Variants in CFAP46 observed in about 807,000 individuals in gnomAD.
The protein encoded by CFAP46 is cilia- and flagella-associated protein 46.
A neutral mutation model predicts 325.7 loss-of-function variants in CFAP46; 245 were observed. The observed-to-expected ratio is 0.75, with a 90% confidence interval of 0.68 to 0.84. CFAP46 has a LOEUF of 0.84. CFAP46 is among the 40% of genes least tolerant of loss of function. The pLI, the probability that CFAP46 is intolerant of heterozygous loss-of-function variation, is 0.00. For missense variants in CFAP46, 3,346 were observed against 3,543.0 expected (o/e 0.94, Z 1.41); for synonymous variants, 1,523 against 1,495.9 (o/e 1.02, Z -0.42).
chr10:132,833,442 C>G lies in CFAP46; in HGVS notation c.7033G>C (p.Val2345Leu), dbSNP rs1848183964. The G allele has an allele frequency of 6.2e-7, 1 of 1,614,082 alleles. No homozygotes were observed. The highest frequency in any genetic ancestry group is 1.3e-5 in the African/African-American group (1 of 74,932). The change falls in exon 50 of 58, where the codon GTG becomes CTG. Residue 2345 changes from valine to leucine, a missense_variant. Physicochemically the swap from Val to Leu is conservative, Grantham distance 32. Transcript: ENST00000368586. ...GAGGAAATTGTCCCTTCATCGAACA[C>G]AGAGAGACCTTCCAGTGGCAGCTCC... ...LLELPLEGLS[V>L]FDEGTISSVS...
intron 19 of CFAP46, among the ~76,000 whole-genome samples, chr10:132,911,648 T>C (rs4880285): frequency 0.49 from 74,847 of 152,124 alleles, 19,499 homozygotes; most frequent in African/African-American, 0.66. Flanking sequence ...CTGCAGCATC[T>C]GTCAACGAGA....
rs1056241918 is a variant in CFAP46 at position 132,827,073 on chromosome 10, C to T, written c.7117+6285G>A. Among the ~76,000 whole-genome samples, 29 of 152,142 alleles carry T rather than the reference C, an allele frequency of 1.9e-4. No homozygotes were observed. Among genetic ancestry groups the T allele is most frequent in the South Asian group, 4.1e-4 (2 of 4,820 alleles). ...TCCATGAGCCTCGTGTCTGTGCCAACCGACTCCAGCTCCGGGCTCCCTGCC... is the reference window on the plus strand; with the variant it reads ...TCCATGAGCCTCGTGTCTGTGCCAATCGACTCCAGCTCCGGGCTCCCTGCC... On this transcript the variant is annotated intron_variant, in intron 50 of 57. Transcript: ENST00000368586. This position sits in a 1 kb window ranked among gnomAD's most constrained non-coding sequence, Gnocchi z 5.7.
intron 50 of CFAP46, among the ~76,000 whole-genome samples, chr10:132,826,062 A>G (rs1848041615): frequency 1.5e-5 from 2 of 133,650 alleles, no homozygotes; most frequent in Admixed American, 1.5e-4. Context: ...GTAGCCACAG[A>G]GACCAGCCAC....
At chr10:132,914,785 C>T (rs1405096337) in intron 17 of CFAP46, among the ~76,000 whole-genome samples, 5 of 142,084 alleles carry the variant, frequency 3.5e-5, no homozygotes, top group East Asian at 2.2e-4. Flanking sequence ...CACTGCACCC[C>T]GGCCCGAGGC....
At chr10:132,818,500 G>A (rs1847736279) in intron 50 of CFAP46, among the ~76,000 whole-genome samples, 2 of 152,086 alleles carry the variant, frequency 1.3e-5, no homozygotes, top group Admixed American at 1.3e-4. Context: ...AGGCAAGGAA[G>A]CCCACTCTTG....
At position 132,922,635 on chromosome 10, in the gene CFAP46, G is replaced by C; in HGVS notation, c.1330C>G (p.Pro444Ala). 6.5e-7 allele frequency: 1 copy of C among 1,549,794 alleles called. No homozygotes were observed. The highest frequency in any genetic ancestry group is 1.2e-5 in the South Asian group (1 of 84,052). The change falls in exon 12 of 58, where the codon CCC becomes GCC. Residue 444 changes from proline to alanine, a missense_variant. By Grantham distance (27) the Pro-to-Ala change is conservative (BLOSUM62 -1). Coordinates refer to ENST00000368586, the MANE Select transcript of CFAP46 (RefSeq NM_001200049.3). ...GCTTTCCGGAGGTGCTCCGTGGCGG[G>C]CTCCAGCCGGTCCTCGTCCTCCTCG... ...QIEEDEDRLE[P>A]ATEHLRKAAR...
rs558228916 is a variant in CFAP46, at chr10:132,941,144, C to G, written c.307-84G>C. ...ATCTGCGGATGCCACGGCTCCCTCA[C>G]GGTTGGCCTGGTACCCCCTGTGTGT... is the stretch of plus-strand genomic sequence containing the variant. On this transcript the variant is annotated intron_variant, in intron 3 of 57. Coordinates refer to ENST00000368586, the MANE Select transcript of CFAP46 (RefSeq NM_001200049.3). The G allele has an allele frequency of 3.5e-6, 5 of 1,414,110 alleles. No homozygotes were observed. The East Asian group carries it at 9.1e-5, about 26-fold the overall frequency. The allele number at this position is 1,414,110 out of a possible 1,614,324, so 87.6% of individuals were successfully genotyped here.
In CFAP46 at chr10:132,886,027, C is replaced by T. The variant is rs975593178; in HGVS notation, c.3305-68G>A. On this transcript the variant is annotated intron_variant, in intron 25 of 57. Coordinates refer to ENST00000368586, the MANE Select transcript of CFAP46 (RefSeq NM_001200049.3). This position sits in a 1 kb window ranked among gnomAD's most constrained non-coding sequence, Gnocchi z 5.8. ...CTCATCAAAGGCGCCCTCGGACCTC[C>T]CAGACTAAGCTGCCCATCACAGTGC... 11 of 1,523,268 alleles carry T rather than the reference C, an allele frequency of 7.2e-6. No individual in the cohort carries two copies. Among genetic ancestry groups the T allele is most frequent in the Non-Finnish European group, 8.9e-6 (10 of 1,129,294 alleles). The allele number at this position is 1,523,268 out of a possible 1,614,324, so 94.4% of individuals were successfully genotyped here.
In CFAP46 at chr10:132,847,107, C is replaced by T; in HGVS notation, c.6092G>A (p.Arg2031Lys). The change falls in exon 43 of 58, where the codon AGG becomes AAG. Residue 2031 changes from arginine to lysine, a missense_variant. Transcript: ENST00000368586. The surrounding 1 kb of genome is among the most constrained non-coding windows in gnomAD (Gnocchi z 5.2). ...HCRRGEDLKR[R>K]MVLAQQYLAQ... ...CAGGTACTGCTGGGCCAGAACCATC[C>T]TCCTCTGTGGGGCACAAGGCTCAGG... 1.2e-6 allele frequency: 2 copies of T among 1,610,422 alleles called. No individual in the cohort carries two copies.
In CFAP46 at chr10:132,899,630, T is replaced by G. The variant is rs1020121645; in HGVS notation, c.2961A>C (p.Thr987=). 1.3e-6 allele frequency: 2 copies of G among 1,550,278 alleles called. No homozygotes were observed. The highest frequency in any genetic ancestry group is 1.7e-6 in the Non-Finnish European group (2 of 1,146,906). ...TGCTCCTGCCCTGGATGGCCGTGGC[T>G]GTGCACAGCATCTCTGCCACCAGCC... The part of the protein sequence containing the change: ...ESRLVAEMLC[T]ATAIQGRSIM... The change falls in exon 23 of 58, where the codon ACA becomes ACC. Residue 987 remains threonine, a synonymous_variant. Coordinates refer to ENST00000368586, the MANE Select transcript of CFAP46 (RefSeq NM_001200049.3).
chr10:132,816,745 G>A (rs916260011), intron 50 of CFAP46, among the ~76,000 whole-genome samples: 7 of 152,144 alleles, frequency 4.6e-5, no homozygotes, highest in East Asian at 1.9e-4. Flanking sequence ...GCAACATCTC[G>A]CTAGTTTTTG....
In CFAP46 at chr10:132,919,297, G is replaced by A. The variant is rs772489248; in HGVS notation, c.1858+18C>T. ...GCCGTGGCCAGGCTGGGACACACTC[G>A]TGAGGGCGGGTACGAACCTCGCCGC... is the stretch of plus-strand genomic sequence containing the variant. On this transcript the variant is annotated intron_variant, in intron 15 of 57. Coordinates refer to ENST00000368586, the MANE Select transcript of CFAP46 (RefSeq NM_001200049.3). This position sits in a 1 kb window ranked among gnomAD's most constrained non-coding sequence, Gnocchi z 9.7. 35 of 1,545,808 alleles carry A rather than the reference G, an allele frequency of 2.3e-5. No homozygotes were observed. The East Asian group carries it at 4.2e-4, about 18-fold the overall frequency.
chr10:132,922,379 C>A, intron 12 of CFAP46, 101 bp downstream of exon 12: 2 of 1,444,506 alleles, frequency 1.4e-6, no homozygotes, highest in Non-Finnish European at 1.8e-6. Flanking sequence ...TTGCTTCAGG[C>A]AGCCCTGGGC....
Position 132,908,557 on chromosome 10 carries a change from G to T in CFAP46, c.2835C>A (p.Phe945Leu). The T allele has an allele frequency of 1.3e-6, 2 of 1,550,442 alleles. No individual in the cohort carries two copies. Among genetic ancestry groups the T allele is most frequent in the African/African-American group, 1.4e-5 (1 of 73,168 alleles). The change falls in exon 22 of 58, where the codon TTC (phenylalanine) becomes TTA (leucine). Residue 945 changes from phenylalanine (F) to leucine (L), a missense_variant. Coordinates refer to ENST00000368586, the MANE Select transcript of CFAP46 (RefSeq NM_001200049.3). ...TCTCATGGTCACGCGCTGCATGGGC[G>T]AAGTGGGTCAGCCGCGTCAGGGTCT... ...ELQTLTRLTH[F>L]AHAARDHETT... is the part of the protein sequence containing the mutation.
At chr10:132,846,407 G>T (rs533383492) in intron 43 of CFAP46, among the ~76,000 whole-genome samples, 180 bp from the exon 44 acceptor site, 16 of 152,236 alleles carry the variant, frequency 1.1e-4, no homozygotes, top group Admixed American at 2.0e-4. Context: ...GGCCACGCTT[G>T]TTCCCTCTGT....
intron 44 of CFAP46, 104 bp downstream of exon 44, chr10:132,845,953 G>T: frequency 1.6e-6 from 2 of 1,268,762 alleles, no homozygotes; most frequent in Non-Finnish European, 1.1e-6. Context: ...GAGCTGGGGG[G>T]TGAGCAAGGC....
intron 50 of CFAP46, among the ~76,000 whole-genome samples, chr10:132,821,537 GA>G (rs1847828991): frequency 7.7e-6 from 1 of 129,974 alleles, no homozygotes; most frequent in African/African-American, 3.1e-5. Flanking sequence ...GATGTGTGCT[GA>G]TGTGTGCTGT....
chr10:132,905,442 T>C (rs1384137722), intron 22 of CFAP46, among the ~76,000 whole-genome samples: 1 of 146,736 alleles, frequency 6.8e-6, no homozygotes, highest in Admixed American at 6.8e-5. Context: ...GCATCCCACA[T>C]ATCTTTCCTT....
intron 16 of CFAP46, among the ~76,000 whole-genome samples, chr10:132,917,066 G>C (rs375085476): frequency 6.6e-6 from 1 of 152,252 alleles, no homozygotes. Flanking sequence ...GGCCTCCGGG[G>C]CGTGGATGAC....
Sources: gnomAD v4.1 joint callset for allele counts (sites outside exome capture counted in the v4.1 genomes callset) on GRCh38, gnomAD v4.1.1 for gene constraint, Gnocchi (gnomAD v3.1) non-coding constraint, MANE v1.5 for transcripts, NCBI Gene and HGNC (gene_info 2026-07-23, HGNC 2026-07-21) for gene names.